RFX6: variants seen among roughly 807,000 people sequenced by gnomAD.
RFX6 encodes the protein DNA-binding protein RFX6.
In RFX6, 50 loss-of-function variants were observed where a neutral mutation model predicts 110.8. The observed-to-expected ratio is 0.45, with a 90% CI of 0.36 to 0.57. The LOEUF is 0.57. RFX6 is among the 20% of genes least tolerant of loss of function. The pLI, the probability that RFX6 is intolerant of heterozygous loss-of-function variation, is 0.00. For missense variants in RFX6, 990 were observed against 1,127.0 expected (o/e 0.88, Z 1.74); for synonymous variants, 383 against 411.2 (o/e 0.93, Z 0.83).
At chr6:116,880,849 T>A (rs1774575690) in intron 3 of RFX6, among the ~76,000 whole-genome samples, 182 bp downstream of exon 3, 1 of 152,090 alleles carries the variant, frequency 6.6e-6, no homozygotes, top group African/African-American at 2.4e-5. Flanking sequence ...TTTTGAATAT[T>A]AGAACCCTAA....
chr6:116,885,683 A>G (rs889126645), intron 4 of RFX6, among the ~76,000 whole-genome samples: 1 of 152,104 alleles, frequency 6.6e-6, no homozygotes, highest in African/African-American at 2.4e-5. Flanking sequence ...TAATTATTCA[A>G]TTGAATGTTT....
chr6:116,931,985 G>GACTT lies in RFX6; in HGVS notation c.*481_*484dup, dbSNP rs1775896326. Reference sequence around the variant, plus strand: ...CCAACGGAAATGTTTACAAGGTCAAGACTTAATTCAATTCAGACAAGACCA... The same window carrying GACTT: ...CCAACGGAAATGTTTACAAGGTCAAGACTTACTTAATTCAATTCAGACAAGACCA... On this transcript the variant is annotated 3_prime_UTR_variant, in exon 19 of 19. Transcript: ENST00000332958. 1 of 160,630 alleles carries GACTT rather than the reference G, an allele frequency of 6.2e-6. No individual in the cohort carries two copies. Among genetic ancestry groups the GACTT allele is most frequent in the South Asian group, 1.8e-4 (1 of 5,550 alleles). 10.0% of individuals were successfully genotyped at this position (160,630 alleles called of 1,614,324 possible).
At chr6:116,923,429 G>A (rs568505269) in intron 14 of RFX6, 2 of 568,156 alleles carry the variant, frequency 3.5e-6, no homozygotes, top group Admixed American at 2.9e-5. Context: ...ATTGTCTCTG[G>A]CTATGGGCCA....
At chr6:116,902,268 A>G (rs1775091228) in intron 6 of RFX6, among the ~76,000 whole-genome samples, 1 of 152,030 alleles carries the variant, frequency 6.6e-6, no homozygotes. Flanking sequence ...AGTATTGGAA[A>G]TGTCTCATGT....
chr6:116,921,589 G>A (rs781502867), intron 12 of RFX6, among the ~76,000 whole-genome samples: 30 of 152,060 alleles, frequency 2.0e-4, no homozygotes, highest in Non-Finnish European at 3.5e-4. Flanking sequence ...AGGCTGAGGT[G>A]GGAAGATTGC....
intron 7 of RFX6, 88 bp downstream of exon 7, chr6:116,911,130 G>T: frequency 1.1e-6 from 1 of 931,902 alleles, no homozygotes. Flanking sequence ...ACTGCAGGAA[G>T]CAATCAGAAA....
At chr6:116,916,828 G>T (rs935823710) in intron 9 of RFX6, among the ~76,000 whole-genome samples, 2 of 152,062 alleles carry the variant, frequency 1.3e-5, no homozygotes, top group Admixed American at 1.3e-4. Flanking sequence ...CAAACTGATT[G>T]TCCTTCTAGG....
intron 6 of RFX6, among the ~76,000 whole-genome samples, chr6:116,903,992 G>T (rs969596008): frequency 2.0e-5 from 3 of 151,896 alleles, no homozygotes; most frequent in Non-Finnish European, 4.4e-5. Flanking sequence ...TTCCAGAGTG[G>T]TTGTATCAAC....
At position 116,927,369 on chromosome 6, in the gene RFX6, G is replaced by A. The variant is rs582803; in HGVS notation, c.2228G>A (p.Ser743Asn). 1.2e-6 allele frequency: 2 copies of A among 1,613,862 alleles called. No homozygotes were observed. Among genetic ancestry groups the A allele is most frequent in the African/African-American group, 2.7e-5 (2 of 75,036 alleles). The change falls in exon 17 of 19, where the codon AGC becomes AAC. Residue 743 changes from serine (S) to asparagine (N), a missense_variant. By Grantham distance (46) the Ser-to-Asn change is conservative (BLOSUM62 1). Around this residue, in one of 5 missense-constraint regions of RFX6, gnomAD observed 438 missense variants for 441.9 expected, o/e 0.99. Transcript: ENST00000332958. ...CTTTCAAGAGACTTCTTCAGTGGCA[G>A]CTGTGCGGGGTCTCCATATAACTCC... Reference protein sequence around the residue: ...QQLSRDFFSGSCAGSPYNSRP... With the variant: ...QQLSRDFFSGNCAGSPYNSRP...
At chr6:116,897,711 C>A (rs1774980181) in intron 6 of RFX6, among the ~76,000 whole-genome samples, 1 of 152,158 alleles carries the variant, frequency 6.6e-6, no homozygotes, top group Non-Finnish European at 1.5e-5. Flanking sequence ...AAGAGAAGAT[C>A]TGGACCAGAA....
Position 116,882,403 on chromosome 6 carries a change from C to T in RFX6, c.541C>T (p.Arg181Trp), listed in dbSNP as rs587780440. 9.9e-6 allele frequency: 16 copies of T among 1,612,564 alleles called. No individual in the cohort carries two copies. The highest frequency in any genetic ancestry group is 1.7e-5 in the Admixed American group (1 of 59,954). Residue 181 changes from arginine (R) to tryptophan (W), a missense_variant, in exon 4 of 19, where the codon CGG (arginine) becomes TGG (tryptophan). By Grantham distance (101) the Arg-to-Trp change is moderately radical. Coordinates refer to ENST00000332958, the MANE Select transcript of RFX6 (RefSeq NM_173560.4). The part of the protein sequence containing the change: ...RQKFPLLTTR[R>W]LGTRGHSKYH... ...GAAGTTTCCCCTCCTAACAACAAGGCGGCTTGGAACAAGAGGCCATTCAAA... is the reference window on the plus strand; with the variant it reads ...GAAGTTTCCCCTCCTAACAACAAGGTGGCTTGGAACAAGAGGCCATTCAAA...
At position 116,919,142 on chromosome 6, in the gene RFX6, T is replaced by G; in HGVS notation, c.1028T>G (p.Leu343Ter). 2.5e-6 allele frequency: 4 copies of G among 1,613,246 alleles called. No individual in the cohort carries two copies. The highest frequency in any genetic ancestry group is 3.4e-6 in the Non-Finnish European group (4 of 1,179,330). The part of the protein sequence containing the change: ...ATMQEMPESL[L>*]ADIRNFAKNW... ...ACACATAGCCTTCTTTGTAGCTTAT[T>G]AGCAGACATAAGAAATTTTGCTAAA... is the stretch of plus-strand genomic sequence containing the variant. The change falls in exon 11 of 19, where the codon TTA (leucine) becomes TGA (stop). Residue 343 changes from leucine to a stop codon, truncating the protein, a stop_gained. Transcript: ENST00000332958. LOFTEE classifies it high-confidence loss of function.
intron 6 of RFX6, among the ~76,000 whole-genome samples, chr6:116,907,880 T>A (rs543251739): frequency 1.4e-4 from 21 of 152,240 alleles, no homozygotes; most frequent in Non-Finnish European, 2.8e-4. Flanking sequence ...ATTTTGTCAA[T>A]TTTTCTTCAT....
chr6:116,885,121 G>T (rs1413527478), intron 4 of RFX6: 1 of 152,046 alleles, frequency 6.6e-6, no homozygotes, highest in Non-Finnish European at 1.5e-5. Context: ...AGGCAGTATA[G>T]CCTAATGGTT....
At chr6:116,894,357 A>AT (rs1352788206) in intron 5 of RFX6, among the ~76,000 whole-genome samples, 2 of 152,166 alleles carry the variant, frequency 1.3e-5, no homozygotes, top group Non-Finnish European at 2.9e-5. Flanking sequence ...AGCAAAGTCT[A>AT]TTTTCAGGTT....
chr6:116,916,040 C>T lies in RFX6; in HGVS notation c.813C>T (p.His271=), dbSNP rs371868401. The change falls in exon 8 of 19, where the codon CAC becomes CAT. Residue 271 remains histidine, a synonymous_variant. Coordinates refer to ENST00000332958, the MANE Select transcript of RFX6 (RefSeq NM_173560.4). ...VDTLIMMYKT[H]CQCILDNAIN... ...CGCTCATAATGATGTACAAAACTCACTGCCAGTGTATCCTGGACAATGCAA... is the reference window on the plus strand; with the variant it reads ...CGCTCATAATGATGTACAAAACTCATTGCCAGTGTATCCTGGACAATGCAA... 1 of 1,612,174 alleles carries T rather than the reference C, an allele frequency of 6.2e-7. No homozygotes were observed. Among genetic ancestry groups the T allele is most frequent in the Admixed American group, 1.7e-5 (1 of 59,976 alleles).
At chr6:116,919,084 T>C in intron 10 of RFX6, 53 bp from the exon 11 acceptor site, 1 of 1,489,112 alleles carries the variant, frequency 6.7e-7, no homozygotes, top group Non-Finnish European at 9.4e-7. Flanking sequence ...AAAATATGAT[T>C]GTTTAATGCA....
At chr6:116,879,535 G>A (rs79646390) in intron 2 of RFX6, among the ~76,000 whole-genome samples, 10,393 of 151,516 alleles carry the variant, frequency 0.069, 382 homozygotes, top group Admixed American at 0.12. Context: ...TACCTGTTCA[G>A]GGAATACTTT....
intron 16 of RFX6, 91 bp downstream of exon 16, chr6:116,925,750 ATTCC>A: frequency 2.4e-6 from 2 of 822,644 alleles, no homozygotes; most frequent in African/African-American, 1.7e-5. Context: ...CAGTCCAGGA[ATTCC>A]AACAATAAAA....
Sources: allele counts gnomAD v4.1 joint callset (sites outside exome capture counted in the v4.1 genomes callset), GRCh38; gene constraint gnomAD v4.1.1; regional missense constraint gnomAD v4.1.1; transcripts MANE v1.5; gene names NCBI Gene and HGNC (gene_info 2026-07-23, HGNC 2026-07-21).